The following PDE1C variants were observed in gnomAD, a reference collection of about 807,000 sequenced individuals.
PDE1C encodes the protein phosphodiesterase 1C, also known as dual specificity calcium/calmodulin-dependent 3',5'-cyclic nucleotide phosphodiesterase 1C.
Under a neutral mutation model 93.1 loss-of-function variants are expected in PDE1C, and 62 were observed. The ratio of observed to expected loss-of-function variants is 0.67; its 90% CI spans 0.54 to 0.82. The LOEUF is 0.82. Ranked by LOEUF, PDE1C falls within the 40% of genes least tolerant of loss-of-function variation. PDE1C has a pLI of 0.00. For synonymous variants in PDE1C, 325 were observed against 310.1 expected, an observed-to-expected ratio of 1.05 and a Z score of -0.50; for missense variants, 742 against 884.6, an observed-to-expected ratio of 0.84 and a Z score of 2.04.
At chr7:32,045,876 TTA>T (rs1792487993) in intron 2 of PDE1C, among the ~76,000 whole-genome samples, 1 of 152,148 alleles carries the variant, frequency 6.6e-6, no homozygotes, top group African/African-American at 2.4e-5. Flanking sequence ...TGACAATCTA[TTA>T]TTACCAGCAA....
the PDE1C span, among the ~76,000 whole-genome samples, chr7:31,724,414 AG>A: frequency 4.6e-5 from 7 of 152,338 alleles, no homozygotes; most frequent in South Asian, 2.1e-4. Flanking sequence ...TTACAAGAAA[AG>A]TCTCAATGTG....
chr7:31,803,643 C>T (rs1315012520), intron 16 of PDE1C, among the ~76,000 whole-genome samples: 11 of 151,744 alleles, frequency 7.2e-5, no homozygotes, highest in Admixed American at 5.3e-4. Flanking sequence ...TGAGAACATG[C>T]GGTGTTTCAT....
intron 2 of PDE1C, among the ~76,000 whole-genome samples, chr7:31,966,860 C>A (rs1810066019): frequency 6.6e-6 from 1 of 152,132 alleles, no homozygotes; most frequent in Non-Finnish European, 1.5e-5. Flanking sequence ...TGAATGACTA[C>A]TGGGTACATA....
At position 32,276,360 on chromosome 7, in the gene PDE1C, T is replaced by C. The variant is rs115743288; in HGVS notation, c.85+22291A>G. Among the ~76,000 whole-genome samples, 973 of 152,310 alleles carry C rather than the reference T, an allele frequency of 6.4e-3. 7 individuals are homozygous for C. The highest frequency in any genetic ancestry group is 0.022 in the African/African-American group (932 of 41,558). On this transcript the variant is annotated intron_variant, in intron 1 of 18. Transcript: ENST00000396193. ...CTAGATATTAATTGGTATGTAATCA[T>C]GACTCAGAAAACAAGGAAGAAAAAA...
chr7:31,965,790 T>C (rs538163884), intron 2 of PDE1C, among the ~76,000 whole-genome samples: 81 of 152,096 alleles, frequency 5.3e-4, no homozygotes, highest in African/African-American at 1.9e-3. Flanking sequence ...CAGAAGAGAG[T>C]GGGGGCAAAT....
At position 31,835,817 on chromosome 7, in the gene PDE1C, GA is replaced by G. The variant is rs1485688623; in HGVS notation, c.1203+1362del. On this transcript the variant is annotated intron_variant, in intron 11 of 17. Coordinates refer to ENST00000396191, the MANE Select transcript of PDE1C (RefSeq NM_001191057.4). ...TAACTCTAGCCCTACTTCATTACTA[GA>G]TAGTTTCAGAAGGAAAACACACACA... Among the ~76,000 whole-genome samples the G allele has an allele frequency of 2.0e-5, 3 of 151,838 alleles. No individual in the cohort carries two copies. In the East Asian group the frequency reaches 5.8e-4, roughly 29 times the overall value.
the PDE1C span, chr7:31,652,834 G>C: frequency 1.1e-5 from 17 of 1,606,188 alleles, no homozygotes; most frequent in Non-Finnish European, 1.4e-5. Context: ...CTCTAGATCA[G>C]AGCAGGTTTG....
chr7:31,652,938 C>A, the PDE1C span: 1 of 1,506,160 alleles, frequency 6.6e-7, no homozygotes, highest in Non-Finnish European at 8.9e-7. Flanking sequence ...CCATTGTCAG[C>A]TATATCTCTC....
rs1434577700 is a variant in PDE1C, at chr7:31,794,081, CAGACAGACAGAT to C, written c.1891+14938_1891+14949del. ...ACAGACAGACAGACAGACAGACAGACAGACAGACAGATAGATAGACAGATAGATGGGCAGGCG... is the reference window on the plus strand; with the variant it reads ...ACAGACAGACAGACAGACAGACAGACAGATAGACAGATAGATGGGCAGGCG... On this transcript the variant is annotated intron_variant, in intron 16 of 17. Transcript: ENST00000396191. 3.7e-5 allele frequency among the ~76,000 whole-genome samples: 5 copies of C among 135,784 alleles called. No homozygotes were observed. The East Asian group carries it at 8.7e-4, about 24-fold the overall frequency. The allele number at this position is 135,784 out of a possible 152,430, so 89.1% of individuals were successfully genotyped here. A position where few individuals can be genotyped will look rare whatever the true frequency, so the allele number is the denominator to read the frequency against.
chr7:32,129,450 T>C (rs1206503366), intron 3 of PDE1C, among the ~76,000 whole-genome samples: 2 of 135,374 alleles, frequency 1.5e-5, no homozygotes, highest in African/African-American at 6.3e-5. Flanking sequence ...TATTAATATA[T>C]ACTTATTTGC....
chr7:32,070,610 G>A (rs1795934064), upstream of PDE1C: 2 of 1,418,078 alleles, frequency 1.4e-6, no homozygotes, highest in East Asian at 2.6e-5. Flanking sequence ...GGCAGCTGCG[G>A]GAACCAGCCA....
At position 31,753,137 on chromosome 7, in the gene PDE1C, A is replaced by C. The variant is rs1794217529; in HGVS notation, c.*247T>G. 1 of 297,782 alleles carries C rather than the reference A, an allele frequency of 3.4e-6. No homozygotes were observed. Among genetic ancestry groups the C allele is most frequent in the African/African-American group, 2.2e-5 (1 of 46,280 alleles). 18.4% of individuals were successfully genotyped at this position (297,782 alleles called of 1,614,324 possible). A position where few individuals can be genotyped will look rare whatever the true frequency, so the allele number is the denominator to read the frequency against. ...GACTTTTAGAGACTTATACCATAAA[A>C]ACACCCCTCTTGCTAGTTTGTTGCT... is the stretch of plus-strand genomic sequence containing the variant. On this transcript the variant is annotated 3_prime_UTR_variant, in exon 18 of 18. Transcript: ENST00000396191.
At chr7:32,147,270 A>AAAAGAAAGAAAGAAAAGAAAGAAAGAAAG (rs1800911414) in intron 3 of PDE1C, among the ~76,000 whole-genome samples, 3 of 57,864 alleles carry the variant, frequency 5.2e-5, no homozygotes, top group Non-Finnish European at 1.1e-4. Flanking sequence ...GAAAGAAAGA[A>AAAAGAAAGAAAGAAAAGAAAGAAAGAAAG]AAAAAGAAAG....
intron 1 of PDE1C, among the ~76,000 whole-genome samples, chr7:32,279,525 C>A (rs770851092): frequency 1.3e-5 from 2 of 151,834 alleles, no homozygotes; most frequent in African/African-American, 2.4e-5. Flanking sequence ...TGCTAATTAC[C>A]CTGATTTGAT....
At chr7:31,618,840 A>ATAAG in the PDE1C span, among the ~76,000 whole-genome samples, 1 of 152,216 alleles carries the variant, frequency 6.6e-6, no homozygotes, top group Admixed American at 6.5e-5. Context: ...TGCCGCAAAT[A>ATAAG]TAAGTTGTGA....
intron 3 of PDE1C, among the ~76,000 whole-genome samples, chr7:32,079,125 G>A (rs1014069040): frequency 1.3e-5 from 2 of 152,166 alleles, no homozygotes; most frequent in Non-Finnish European, 2.9e-5. Flanking sequence ...TGTATCTGGA[G>A]GGAAATGATC....
intron 16 of PDE1C, among the ~76,000 whole-genome samples, chr7:31,804,350 T>C (rs1170815480): frequency 6.6e-6 from 1 of 151,814 alleles, no homozygotes; most frequent in Non-Finnish European, 1.5e-5. Flanking sequence ...ATAGGCACTT[T>C]TCCCTGACTT....
At chr7:31,840,529 A>AC (rs976976280) in intron 9 of PDE1C, among the ~76,000 whole-genome samples, 12 of 152,112 alleles carry the variant, frequency 7.9e-5, no homozygotes, top group African/African-American at 2.7e-4. Flanking sequence ...AGAAACCGCC[A>AC]CCTACTTCCA....
intron 2 of PDE1C, among the ~76,000 whole-genome samples, chr7:31,891,265 C>T (rs1798600755): frequency 6.6e-6 from 1 of 152,106 alleles, no homozygotes; most frequent in African/African-American, 2.4e-5. Flanking sequence ...CTACGTCTTT[C>T]CAAGAGAGAA....
Sources: gnomAD v4.1 joint callset for allele counts (sites outside exome capture counted in the v4.1 genomes callset) on GRCh38, gnomAD v4.1.1 for gene constraint, MANE v1.5 for transcripts, NCBI Gene and HGNC (gene_info 2026-07-23, HGNC 2026-07-21) for gene names.